WLS: variants seen among roughly 807,000 people sequenced by gnomAD.
WLS encodes Wnt ligand secretion mediator, also known as protein wntless homolog.
WLS carries 23 observed loss-of-function variants against 62.8 expected under a neutral mutation model. The ratio of observed to expected loss-of-function variants is 0.37; its 90% CI spans 0.26 to 0.52. WLS has a LOEUF of 0.52. Among genes scored for constraint, WLS ranks in the 20% least tolerant of loss-of-function variants. WLS has a pLI of 0.92. For missense variants in WLS, 615 were observed against 697.3 expected, an observed-to-expected ratio of 0.88 and a Z score of 1.33; for synonymous variants, 246 against 244.1, an observed-to-expected ratio of 1.01 and a Z score of -0.07.
chr1:68,170,526 C>G (rs1647137149), intron 2 of WLS, among the ~76,000 whole-genome samples: 1 of 152,064 alleles, frequency 6.6e-6, no homozygotes, highest in African/African-American at 2.4e-5. Flanking sequence ...TACTCAGGGT[C>G]CCCATAATCA....
chr1:68,106,309 G>A (rs374234068), intron 11 of WLS, among the ~76,000 whole-genome samples: 29 of 152,182 alleles, frequency 1.9e-4, no homozygotes, highest in Admixed American at 6.5e-4. Flanking sequence ...AGGAGATGCC[G>A]AGGCTGGGTG....
intron 2 of WLS, among the ~76,000 whole-genome samples, chr1:68,182,791 T>G (rs1647664930): frequency 1.3e-5 from 2 of 152,202 alleles, no homozygotes; most frequent in Non-Finnish European, 2.9e-5. Flanking sequence ...AGGGAGAATT[T>G]GAAGTTTTTA....
At chr1:68,131,866 T>C (rs1646531129) in intron 11 of WLS, among the ~76,000 whole-genome samples, 1 of 152,178 alleles carries the variant, frequency 6.6e-6, no homozygotes, top group African/African-American at 2.4e-5. Flanking sequence ...AATATAGATA[T>C]ACACAAAGGG....
chr1:68,192,912 T>C (rs559444136), intron 2 of WLS, among the ~76,000 whole-genome samples: 3 of 139,478 alleles, frequency 2.2e-5, no homozygotes, highest in Non-Finnish European at 4.6e-5. Context: ...CTGGCCAACA[T>C]GGTAAAACCC....
chr1:68,208,041 C>G (rs1345871671), intron 1 of WLS, among the ~76,000 whole-genome samples: 1 of 152,170 alleles, frequency 6.6e-6, no homozygotes, highest in African/African-American at 2.4e-5. Context: ...CTCCCCTCAC[C>G]TATCAGTGAA....
chr1:68,162,059 T>C, intron 2 of WLS: 1 of 1,589,464 alleles, frequency 6.3e-7, no homozygotes, highest in East Asian at 2.2e-5. Flanking sequence ...TGACCTGTGA[T>C]GGCTCGGCGG....
intron 11 of WLS, among the ~76,000 whole-genome samples, chr1:68,109,341 T>C (rs1298113331): frequency 6.6e-6 from 1 of 152,204 alleles, no homozygotes; most frequent in Non-Finnish European, 1.5e-5. Context: ...AGCAACAATA[T>C]ATGAGCACTC....
chr1:68,192,793 G>GAAGAA (rs1648396979), intron 2 of WLS, among the ~76,000 whole-genome samples: 1 of 137,670 alleles, frequency 7.3e-6, no homozygotes. Context: ...AAAAACAGAA[G>GAAGAA]AAGAAAGAAA....
chr1:68,213,897 T>C (rs1489289480), intron 1 of WLS, among the ~76,000 whole-genome samples: 1 of 152,206 alleles, frequency 6.6e-6, no homozygotes, highest in African/African-American at 2.4e-5. Context: ...CACAGCCTTC[T>C]AGATGTCCCA....
chr1:68,217,838 G>A (rs181554751), intron 1 of WLS, among the ~76,000 whole-genome samples: 16 of 152,128 alleles, frequency 1.1e-4, no homozygotes, highest in African/African-American at 2.6e-4. Flanking sequence ...TTCCCCCACC[G>A]CCCCCTGCTT....
intron 1 of WLS, chr1:68,202,399 C>G (rs1168228956): frequency 6.6e-6 from 1 of 152,146 alleles, no homozygotes; most frequent in Non-Finnish European, 1.5e-5. Flanking sequence ...CAAAAACTGA[C>G]CCTTACCACC....
intron 3 of WLS, among the ~76,000 whole-genome samples, chr1:68,157,319 C>A (rs1261786425): frequency 6.6e-6 from 1 of 152,198 alleles, no homozygotes. Context: ...AACATGGACA[C>A]CCTTGACACA....
chr1:68,152,752 G>A (rs1646844092), intron 5 of WLS, among the ~76,000 whole-genome samples: 1 of 152,146 alleles, frequency 6.6e-6, no homozygotes, highest in South Asian at 2.1e-4. Flanking sequence ...GGGGAAGTGG[G>A]AAATGGGAGA....
intron 2 of WLS, among the ~76,000 whole-genome samples, chr1:68,163,664 T>A (rs1463673311): frequency 2.1e-5 from 3 of 141,306 alleles, no homozygotes; most frequent in Non-Finnish European, 3.0e-5. Context: ...AAATCACATT[T>A]CCAAAATGAC....
chr1:68,114,011 A>C (rs973927893), intron 11 of WLS, among the ~76,000 whole-genome samples: 14 of 152,246 alleles, frequency 9.2e-5, no homozygotes, highest in African/African-American at 3.4e-4. Context: ...CACCGACTGT[A>C]ATCACTCAAC....
intron 1 of WLS, among the ~76,000 whole-genome samples, chr1:68,208,271 A>G (rs777710156): frequency 2.0e-5 from 3 of 152,214 alleles, no homozygotes; most frequent in Non-Finnish European, 4.4e-5. Context: ...AACTATTGAC[A>G]TGGGTATTTG....
At chr1:68,129,676 C>T (rs759020381) in intron 11 of WLS, among the ~76,000 whole-genome samples, 4 of 152,174 alleles carry the variant, frequency 2.6e-5, no homozygotes, top group African/African-American at 4.8e-5. Flanking sequence ...TAACATAGCA[C>T]GAGTGGAGAT....
chr1:68,129,402 T>C (rs1455460379), intron 11 of WLS, among the ~76,000 whole-genome samples: 9 of 152,256 alleles, frequency 5.9e-5, no homozygotes, highest in Non-Finnish European at 1.5e-5. Context: ...ATCTGATAAA[T>C]TTATAGCATA....
chr1:68,164,227 A>T (rs990732934), intron 2 of WLS, among the ~76,000 whole-genome samples: 1 of 152,084 alleles, frequency 6.6e-6, no homozygotes, highest in African/African-American at 2.4e-5. Flanking sequence ...AGGGGAAAAA[A>T]CTAACTGTAG....
Sources: gnomAD v4.1 joint callset for allele counts (sites outside exome capture counted in the v4.1 genomes callset) on GRCh38, gnomAD v4.1.1 for gene constraint, MANE v1.5 for transcripts, NCBI Gene and HGNC (gene_info 2026-07-23, HGNC 2026-07-21) for gene names.